The following ROPN1L variants were observed in gnomAD, a reference collection of about 807,000 sequenced individuals.
ROPN1L encodes ropporin-1-like protein.
Under a neutral mutation model 22.7 loss-of-function variants are expected in ROPN1L, and 23 were observed. That is an observed-to-expected ratio of 1.01 (90% confidence interval 0.73 to 1.43). The LOEUF is 1.43. Ranked by LOEUF, ROPN1L falls within the 40% of genes most tolerant of loss-of-function variation. The pLI is 0.00. For missense variants in ROPN1L, 271 were observed against 291.5 expected, an observed-to-expected ratio of 0.93 and a Z score of 0.51; for synonymous variants, 116 against 117.8, an observed-to-expected ratio of 0.98 and a Z score of 0.10.
intron 3 of ROPN1L, among the ~76,000 whole-genome samples, chr5:10,456,156 T>C (rs953398356): frequency 6.6e-6 from 1 of 152,202 alleles, no homozygotes; most frequent in Non-Finnish European, 1.5e-5. Flanking sequence ...TCCACTTGAA[T>C]TTCAGATTAT....
chr5:10,470,089 G>A (rs1209207634), intron 4 of ROPN1L, among the ~76,000 whole-genome samples: 3 of 152,288 alleles, frequency 2.0e-5, no homozygotes, highest in Admixed American at 6.5e-5. Context: ...CATTTATTGA[G>A]TCTGATTTTG....
downstream of ROPN1L, among the ~76,000 whole-genome samples, chr5:10,468,432 G>T (rs1016061646): frequency 2.6e-5 from 4 of 152,324 alleles, no homozygotes; most frequent in Middle Eastern, 3.4e-3. Flanking sequence ...TCCCTATTCT[G>T]TTGATTTTGA....
At chr5:10,479,622 C>T in the ROPN1L span, among the ~76,000 whole-genome samples, 7 of 152,170 alleles carry the variant, frequency 4.6e-5, no homozygotes, top group Admixed American at 3.9e-4. Context: ...CTGCTTCGGG[C>T]GTCTCACCTT....
At chr5:10,475,662 G>T (rs977644247), downstream of ROPN1L, among the ~76,000 whole-genome samples, 4 of 152,124 alleles carry the variant, frequency 2.6e-5, no homozygotes, top group African/African-American at 4.8e-5. Flanking sequence ...ACAGAGCATG[G>T]GGCAACAGGG....
At chr5:10,473,903 A>G (rs534174537), downstream of ROPN1L, among the ~76,000 whole-genome samples, 29 of 152,220 alleles carry the variant, frequency 1.9e-4, no homozygotes, top group Non-Finnish European at 2.2e-4. Context: ...TGTAATCCCA[A>G]CACTTTAGGA....
chr5:10,465,639 A>G (rs1345168427), downstream of ROPN1L, among the ~76,000 whole-genome samples: 1 of 151,934 alleles, frequency 6.6e-6, no homozygotes, highest in Non-Finnish European at 1.5e-5. Context: ...CACTTGAGTC[A>G]GTAGTTTGAG....
intron 4 of ROPN1L, among the ~76,000 whole-genome samples, chr5:10,464,624 G>A (rs1454397408): frequency 1.3e-5 from 2 of 152,182 alleles, no homozygotes; most frequent in African/African-American, 4.8e-5. Context: ...TATGCATATA[G>A]CACCCATCTT....
downstream of ROPN1L, among the ~76,000 whole-genome samples, chr5:10,466,519 A>G (rs1445366944): frequency 6.6e-6 from 1 of 152,182 alleles, no homozygotes; most frequent in Non-Finnish European, 1.5e-5. Flanking sequence ...ACCGTAAATA[A>G]ACTCCAACGT....
downstream of ROPN1L, among the ~76,000 whole-genome samples, chr5:10,467,634 A>G (rs929257920): frequency 2.9e-4 from 44 of 152,216 alleles, no homozygotes; most frequent in Non-Finnish European, 1.0e-4. Context: ...TTCACCCAAG[A>G]TAAGGTGAAC....
intron 3 of ROPN1L, among the ~76,000 whole-genome samples, chr5:10,456,593 C>T (rs769976599): frequency 6.6e-6 from 1 of 152,236 alleles, no homozygotes; most frequent in Non-Finnish European, 1.5e-5. Context: ...CAGCATGGGG[C>T]AGCCATGCCA....
intron 3 of ROPN1L, among the ~76,000 whole-genome samples, chr5:10,459,924 G>A (rs1734983584): frequency 6.6e-6 from 1 of 152,240 alleles, no homozygotes; most frequent in African/African-American, 2.4e-5. Context: ...ATGAAGGGCT[G>A]TTGCCATGTG....
At chr5:10,458,394 C>T (rs1302666452) in intron 3 of ROPN1L, among the ~76,000 whole-genome samples, 4 of 151,790 alleles carry the variant, frequency 2.6e-5, no homozygotes, top group South Asian at 2.1e-4. Context: ...CTGTATACAC[C>T]GTCCTGCTCG....
At chr5:10,472,887 T>C (rs1735270786), downstream of ROPN1L, among the ~76,000 whole-genome samples, 2 of 152,220 alleles carry the variant, frequency 1.3e-5, no homozygotes, top group South Asian at 4.1e-4. Context: ...ACAGTGGTCC[T>C]GCTTGCCCTG....
At position 10,470,139 on chromosome 5, in the gene ROPN1L, T is replaced by C. The variant is rs146646319; in HGVS notation, n.886-1671T>C. ...TGCAGCCAATAATTTTTTTCAAGTC[T>C]TAAACATTCTCAGAGGTCGATGAAA... On this transcript the variant is annotated intron_variant and non_coding_transcript_variant, in intron 4 of 4. Transcript: ENST00000510520. Among the ~76,000 whole-genome samples the C allele has an allele frequency of 2.6e-5, 4 of 152,362 alleles. No individual in the cohort carries two copies. In the East Asian group the frequency reaches 7.7e-4, roughly 29 times the overall value.
chr5:10,441,888 G>T lies in ROPN1L; in HGVS notation c.-280G>T. On this transcript the variant is annotated 5_prime_UTR_variant, in exon 1 of 5. Transcript: ENST00000274134. ...GGGGCGGGGCCTGCTCGCGTCCCGGGTGCCTGGATACCGAGCGCGTCCGTA... is the reference window on the plus strand; with the variant it reads ...GGGGCGGGGCCTGCTCGCGTCCCGGTTGCCTGGATACCGAGCGCGTCCGTA... 1 of 265,386 alleles carries T rather than the reference G, an allele frequency of 3.8e-6. No homozygotes were observed. The highest frequency in any genetic ancestry group is 7.3e-6 in the Non-Finnish European group (1 of 137,498). 16.4% of individuals were successfully genotyped at this position (265,386 alleles called of 1,614,324 possible).
chr5:10,473,837 A>T (rs1442931438), downstream of ROPN1L, among the ~76,000 whole-genome samples: 2 of 152,176 alleles, frequency 1.3e-5, no homozygotes, highest in Admixed American at 1.3e-4. Flanking sequence ...TCTAGAATGG[A>T]GAGAAGATAG....
At position 10,470,087 on chromosome 5, in the gene ROPN1L, G is replaced by A. The variant is rs576809046; in HGVS notation, n.886-1723G>A. Among the ~76,000 whole-genome samples, 60 of 152,250 alleles carry A rather than the reference G, an allele frequency of 3.9e-4. 1 individual carries two copies. The Middle Eastern group carries it at 0.014, about 35-fold the overall frequency. On this transcript the variant is annotated intron_variant and non_coding_transcript_variant, in intron 4 of 4. Transcript: ENST00000510520. ...TGAACACAGAAATTAATCATTTATTGAGTCTGATTTTGCTATTTCCGTAAT... is the reference window on the plus strand; with the variant it reads ...TGAACACAGAAATTAATCATTTATTAAGTCTGATTTTGCTATTTCCGTAAT...
At chr5:10,464,168 G>C (rs1413053106) in intron 4 of ROPN1L, among the ~76,000 whole-genome samples, 1 of 152,214 alleles carries the variant, frequency 6.6e-6, no homozygotes, top group South Asian at 2.1e-4. Context: ...CCCACCATGG[G>C]CTGAGCCTCT....
chr5:10,465,501 CG>C (rs1735138027), downstream of ROPN1L, among the ~76,000 whole-genome samples: 1 of 141,874 alleles, frequency 7.0e-6, no homozygotes, highest in Non-Finnish European at 1.5e-5. Context: ...GGCGACAGAG[CG>C]AGACTCCGTC....
Sources: allele counts gnomAD v4.1 joint callset (sites outside exome capture counted in the v4.1 genomes callset), GRCh38; gene constraint gnomAD v4.1.1; transcripts MANE v1.5; gene names NCBI Gene and HGNC (gene_info 2026-07-23, HGNC 2026-07-21).